The following PDE10A variants were observed in gnomAD, a reference collection of about 807,000 sequenced individuals.
The protein encoded by PDE10A is phosphodiesterase 10A.
A neutral mutation model predicts 97.7 loss-of-function variants in PDE10A; 39 were observed. That is an observed-to-expected ratio of 0.40 (90% CI 0.31 to 0.52). The LOEUF is 0.52. Among genes scored for constraint, PDE10A ranks in the 20% least tolerant of loss-of-function variants. PDE10A has a pLI of 0.56. For missense variants in PDE10A, 731 were observed against 1,047.8 expected, an observed-to-expected ratio of 0.70 and a Z score of 4.17; for synonymous variants, 371 against 376.8, an observed-to-expected ratio of 0.98 and a Z score of 0.18.
intron 1 of PDE10A, among the ~76,000 whole-genome samples, chr6:165,598,789 G>GA (rs969114954): frequency 1.3e-5 from 2 of 152,052 alleles, no homozygotes; most frequent in Admixed American, 6.6e-5. Flanking sequence ...AATAAATTAG[G>GA]AAAATTTTAA....
At chr6:165,612,334 A>G (rs1787533740) in intron 1 of PDE10A, among the ~76,000 whole-genome samples, 1 of 152,122 alleles carries the variant, frequency 6.6e-6, no homozygotes, top group Non-Finnish European at 1.5e-5. Context: ...TACACTTTTA[A>G]AACAGTCCTC....
chr6:165,959,803 G>A (rs1784304071), intron 1 of PDE10A, among the ~76,000 whole-genome samples: 2 of 152,020 alleles, frequency 1.3e-5, no homozygotes, highest in African/African-American at 4.8e-5. Context: ...GATCTCGCCT[G>A]GGGAGGGGCA....
intron 1 of PDE10A, among the ~76,000 whole-genome samples, chr6:165,642,908 A>ATT (rs57377717): frequency 6.7e-6 from 1 of 148,488 alleles, no homozygotes; most frequent in Non-Finnish European, 1.5e-5. Flanking sequence ...ATGTTCTCAC[A>ATT]TTTTTTTTTT....
intron 1 of PDE10A, among the ~76,000 whole-genome samples, chr6:165,737,445 A>C (rs1465286463): frequency 6.6e-6 from 1 of 152,226 alleles, no homozygotes; most frequent in Non-Finnish European, 1.5e-5. Flanking sequence ...ATTCACCATG[A>C]TCAAGTGGGA....
At chr6:165,647,367 G>A (rs1304754176) in intron 1 of PDE10A, among the ~76,000 whole-genome samples, 1 of 152,190 alleles carries the variant, frequency 6.6e-6, no homozygotes, top group Non-Finnish European at 1.5e-5. Flanking sequence ...GCATCGTTCT[G>A]CTTTTAGACA....
rs114877872 is a variant in PDE10A, at chr6:165,870,584, C to T, written c.-615+116945G>A. 3.7e-3 allele frequency among the ~76,000 whole-genome samples: 566 copies of T among 152,220 alleles called. 2 individuals are homozygous for T. The highest frequency in any genetic ancestry group is 0.013 in the African/African-American group (550 of 41,524). On this transcript the variant is annotated intron_variant, in intron 1 of 19. Transcript: ENST00000366882. ...ACTAAAAATAGAATGACCATACAAT[C>T]CAGCAATTCCACTACTGGGTATTTA...
intron 1 of PDE10A, among the ~76,000 whole-genome samples, chr6:165,924,011 C>A (rs943106884): frequency 3.3e-5 from 5 of 152,170 alleles, no homozygotes; most frequent in Non-Finnish European, 4.4e-5. Context: ...CAAGACCTCA[C>A]CTCTACAACA....
intron 1 of PDE10A, among the ~76,000 whole-genome samples, chr6:165,580,001 C>A (rs756840709): frequency 2.0e-5 from 3 of 152,154 alleles, no homozygotes; most frequent in Non-Finnish European, 2.9e-5. Context: ...TGTTCTACAT[C>A]ATTTTTCCTG....
chr6:165,691,106 T>TCTTC (rs143783728), intron 1 of PDE10A, among the ~76,000 whole-genome samples: 2 of 39,094 alleles, frequency 5.1e-5, no homozygotes, highest in African/African-American at 2.2e-4. Context: ...TCTTTCTCTC[T>TCTTC]CCCCCCCCCC....
At chr6:165,955,321 T>C (rs1268857974) in intron 1 of PDE10A, among the ~76,000 whole-genome samples, 1 of 152,206 alleles carries the variant, frequency 6.6e-6, no homozygotes, top group African/African-American at 2.4e-5. Flanking sequence ...TATCTCTCAC[T>C]TGGATCTTTG....
intron 10 of PDE10A, among the ~76,000 whole-genome samples, chr6:165,426,983 T>C (rs894957043): frequency 1.3e-5 from 2 of 152,086 alleles, no homozygotes; most frequent in African/African-American, 2.4e-5. Context: ...GGTGAGGATG[T>C]GGAGAAATCA....
Position 165,504,152 on chromosome 6 carries a change from G to C in PDE10A, c.995-21809C>G, listed in dbSNP as rs566936565. On this transcript the variant is annotated intron_variant, in intron 2 of 21. Transcript: ENST00000539869. Reference sequence around the variant, plus strand: ...TCTAGAATCCTACCAAGTAGAGATAGGTAAAACAGTTGTAGCCTAAGGAGG... The same window carrying C: ...TCTAGAATCCTACCAAGTAGAGATACGTAAAACAGTTGTAGCCTAAGGAGG... Among the ~76,000 whole-genome samples the C allele has an allele frequency of 1.6e-4, 24 of 152,168 alleles. No individual in the cohort carries two copies. The South Asian group carries it at 1.9e-3, about 12-fold the overall frequency.
At chr6:165,734,398 C>T (rs1351007338) in intron 1 of PDE10A, among the ~76,000 whole-genome samples, 1 of 152,036 alleles carries the variant, frequency 6.6e-6, no homozygotes, top group African/African-American at 2.4e-5. Flanking sequence ...CAGGAGAGAA[C>T]CTACAACAAA....
chr6:165,367,468 G>T (rs1783860498), intron 18 of PDE10A, among the ~76,000 whole-genome samples: 1 of 152,012 alleles, frequency 6.6e-6, no homozygotes, highest in South Asian at 2.1e-4. Context: ...GAAGAAAAGA[G>T]ACATAATGGG....
At chr6:165,471,068 A>G (rs1778971778) in intron 3 of PDE10A, among the ~76,000 whole-genome samples, 1 of 152,200 alleles carries the variant, frequency 6.6e-6, no homozygotes, top group African/African-American at 2.4e-5. Flanking sequence ...TTGCTCCAAG[A>G]AAACAGCTTT....
intron 13 of PDE10A, 59 bp downstream of exon 13, chr6:165,413,441 GA>G (rs1788057031): frequency 8.3e-7 from 1 of 1,205,900 alleles, no homozygotes; most frequent in Admixed American, 2.2e-5. Context: ...GCTGCTTTAT[GA>G]AAAAGATTCC....
intron 1 of PDE10A, among the ~76,000 whole-genome samples, chr6:165,825,293 G>A (rs183917060): frequency 2.9e-4 from 44 of 152,256 alleles, no homozygotes; most frequent in Middle Eastern, 3.4e-3. Context: ...GGATGAGGAA[G>A]CCGAGGCCTG....
intron 1 of PDE10A, among the ~76,000 whole-genome samples, chr6:165,765,582 C>T (rs1262606861): frequency 6.6e-6 from 1 of 152,206 alleles, no homozygotes; most frequent in Non-Finnish European, 1.5e-5. Flanking sequence ...GCTCCGAGTG[C>T]GGGGCCCGCC....
At position 165,819,658 on chromosome 6, in the gene PDE10A, C is replaced by T. The variant is rs986110366; in HGVS notation, c.-615+167871G>A. On this transcript the variant is annotated intron_variant, in intron 1 of 19. Coordinates refer to the PDE10A transcript ENST00000366882. This position sits in a 1 kb window ranked among gnomAD's most constrained non-coding sequence, Gnocchi z 4.2. ...TGGTTTCCGTGGTGTTTGACCGAAA[C>T]CTTTGCCAAGGCTGTCAGTGTGCTG... is the stretch of plus-strand genomic sequence containing the variant. Among the ~76,000 whole-genome samples the T allele has an allele frequency of 6.6e-6, 1 of 152,194 alleles. No homozygotes were observed. The highest frequency in any genetic ancestry group is 1.5e-5 in the Non-Finnish European group (1 of 68,044).
Sources: allele counts gnomAD v4.1 joint callset (sites outside exome capture counted in the v4.1 genomes callset), GRCh38; gene constraint gnomAD v4.1.1; non-coding constraint Gnocchi (gnomAD v3.1); transcripts MANE v1.5; gene names NCBI Gene and HGNC (gene_info 2026-07-23, HGNC 2026-07-21).